The following KLRB1 variants were observed in gnomAD, a reference collection of about 807,000 sequenced individuals.
KLRB1 encodes killer cell lectin-like receptor subfamily B member 1.
Under a neutral mutation model 33.5 loss-of-function variants are expected in KLRB1, and 27 were observed. The ratio of observed to expected loss-of-function variants is 0.81; its 90% CI spans 0.59 to 1.11. The LOEUF (loss-of-function observed/expected upper bound fraction) is 1.11. KLRB1 is among the 50% of genes most tolerant of loss of function. The pLI, the probability that KLRB1 is intolerant of heterozygous loss-of-function variation, is 0.00. For missense variants in KLRB1, 241 were observed against 254.1 expected (o/e 0.95, Z 0.35); for synonymous variants, 64 against 88.9 (o/e 0.72, Z 1.58).
Position 9,595,148 on chromosome 12 carries a change from T to TA in KLRB1, c.*125_*126insT, listed in dbSNP as rs3214342. On this transcript the variant is annotated 3_prime_UTR_variant, in exon 6 of 6. Transcript: ENST00000229402. The stretch of plus-strand genomic sequence containing the variant: ...ACTTCTGTAAGATTCATAACAGTTG[T>TA]CAATTCTCAGAATTGTTCACTTTGT... 0.42 allele frequency: 309,910 copies of TA among 736,266 alleles called. 68,523 individuals carry two copies. Among genetic ancestry groups the TA allele is most frequent in the South Asian group, 0.52 (27,792 of 52,992 alleles). The allele number at this position is 736,266 out of a possible 1,614,324, so 45.6% of individuals were successfully genotyped here. A position where few individuals can be genotyped will look rare whatever the true frequency, so the allele number is the denominator to read the frequency against.
intron 5 of KLRB1, among the ~76,000 whole-genome samples, chr12:9,597,648 C>A (rs1485420036): frequency 6.6e-6 from 1 of 151,998 alleles, no homozygotes; most frequent in African/African-American, 2.4e-5. Context: ...TTTTTCTTTT[C>A]TTTTAATGCC....
At chr12:9,607,431 TC>T (rs1864634879) in intron 1 of KLRB1, among the ~76,000 whole-genome samples, 1 of 148,642 alleles carries the variant, frequency 6.7e-6, no homozygotes, top group Non-Finnish European at 1.5e-5. Context: ...CTTTCTTCCT[TC>T]TTTCCATCCC....
intron 1 of KLRB1, among the ~76,000 whole-genome samples, chr12:9,604,772 C>A (rs1864581681): frequency 6.6e-6 from 1 of 152,144 alleles, no homozygotes; most frequent in African/African-American, 2.4e-5. Flanking sequence ...AACATTAACA[C>A]CGTCTCATCT....
At chr12:9,600,505 G>A (rs1864529324) in intron 2 of KLRB1, among the ~76,000 whole-genome samples, 1 of 152,182 alleles carries the variant, frequency 6.6e-6, no homozygotes, top group African/African-American at 2.4e-5. Context: ...TACTGTGTCT[G>A]TGTAGAAAGA....
At chr12:9,598,360 A>C in intron 4 of KLRB1, 139 bp downstream of exon 4, 2 of 752,026 alleles carry the variant, frequency 2.7e-6, no homozygotes, top group Non-Finnish European at 4.4e-6. Flanking sequence ...TTATTTGTTT[A>C]CATATCCATG....
intron 1 of KLRB1, among the ~76,000 whole-genome samples, chr12:9,602,302 T>C (rs1200350535): frequency 6.6e-6 from 1 of 152,212 alleles, no homozygotes; most frequent in Non-Finnish European, 1.5e-5. Context: ...TACTATATAA[T>C]GAATCTCCCA....
chr12:9,607,744 A>G lies in KLRB1; in HGVS notation c.85+11T>C, dbSNP rs764207708. 6.3e-7 allele frequency: 1 copy of G among 1,591,008 alleles called. No individual in the cohort carries two copies. Among genetic ancestry groups the G allele is most frequent in the Non-Finnish European group, 8.6e-7 (1 of 1,159,228 alleles). On this transcript the variant is annotated intron_variant, in intron 1 of 5. Coordinates refer to ENST00000229402, the MANE Select transcript of KLRB1 (RefSeq NM_002258.3). ...CATACAAATGCCGAAAGGAAAATTA[A>G]AGCCACTTACCCCGAGGAAGAGATG...
Position 9,595,509 on chromosome 12 carries a change from A to G in KLRB1, c.531-88T>C. ...GCCATTATTTCCTAGGACTCTCAGGAAGCAGTAGAATGATAAACTATTAAA... is the reference window on the plus strand; with the variant it reads ...GCCATTATTTCCTAGGACTCTCAGGGAGCAGTAGAATGATAAACTATTAAA... On this transcript the variant is annotated intron_variant, in intron 5 of 5. Coordinates refer to ENST00000229402, the MANE Select transcript of KLRB1 (RefSeq NM_002258.3). 3.3e-6 allele frequency: 4 copies of G among 1,211,404 alleles called. No homozygotes were observed. The South Asian group carries it at 3.8e-5, about 11-fold the overall frequency. 75.0% of individuals were successfully genotyped at this position (1,211,404 alleles called of 1,614,324 possible). A position where few individuals can be genotyped will look rare whatever the true frequency, so the allele number is the denominator to read the frequency against.
Position 9,598,028 on chromosome 12 carries a change from A to G in KLRB1, c.530+18T>C. 2 of 1,079,458 alleles carry G rather than the reference A, an allele frequency of 1.9e-6. No individual in the cohort carries two copies. Among genetic ancestry groups the G allele is most frequent in the Non-Finnish European group, 2.8e-6 (2 of 716,124 alleles). 66.9% of individuals were successfully genotyped at this position (1,079,458 alleles called of 1,614,324 possible). The stretch of plus-strand genomic sequence containing the variant: ...CTGATATAAATTGAATATTAAAGTT[A>G]GCTCATCTAATACTCACTCATTAGA... On this transcript the variant is annotated intron_variant, in intron 5 of 5. Coordinates refer to ENST00000229402, the MANE Select transcript of KLRB1 (RefSeq NM_002258.3).
chr12:9,601,600 C>A lies in KLRB1; in HGVS notation c.86-1G>T. The stretch of plus-strand genomic sequence containing the variant: ...TGCCAAGGTGAACCCTGACAGACAT[C>A]TGAAAAGTTAAAAAGAAAAACACAA... On this transcript the variant is annotated splice_acceptor_variant, in intron 1 of 5. Transcript: ENST00000229402. LOFTEE classifies it high-confidence loss of function. 6.2e-7 allele frequency: 1 copy of A among 1,603,426 alleles called. No homozygotes were observed. Among genetic ancestry groups the A allele is most frequent in the Non-Finnish European group, 8.5e-7 (1 of 1,172,362 alleles).
chr12:9,604,616 T>C (rs1194472938), intron 1 of KLRB1, among the ~76,000 whole-genome samples: 1 of 152,166 alleles, frequency 6.6e-6, no homozygotes. Context: ...CCTAGAAGGC[T>C]TCTCTCTCAG....
At chr12:9,606,706 T>A (rs1329823696) in intron 1 of KLRB1, among the ~76,000 whole-genome samples, 3 of 74,252 alleles carry the variant, frequency 4.0e-5, no homozygotes, top group African/African-American at 5.6e-5. Flanking sequence ...TATATATATA[T>A]AAAATATATA....
rs1365153110 is a variant in KLRB1, at chr12:9,594,800, G to A, written c.*474C>T. The A allele has an allele frequency of 1.3e-5, 2 of 153,048 alleles. No individual in the cohort carries two copies. The highest frequency in any genetic ancestry group is 4.8e-5 in the African/African-American group (2 of 41,424). 9.5% of individuals were successfully genotyped at this position (153,048 alleles called of 1,614,324 possible). ...TAGGTGAAAGATAGGTGTTTATTAA[G>A]TATCTTTATTCAGGTTCATTGCAGC... On this transcript the variant is annotated 3_prime_UTR_variant, in exon 6 of 6. Coordinates refer to ENST00000229402, the MANE Select transcript of KLRB1 (RefSeq NM_002258.3).
At chr12:9,598,890 A>G (rs1864515881) in intron 3 of KLRB1, among the ~76,000 whole-genome samples, 3 of 152,218 alleles carry the variant, frequency 2.0e-5, no homozygotes, top group Admixed American at 1.3e-4. Flanking sequence ...ATAAAATATT[A>G]AAATAGGAAA....
chr12:9,598,776 G>A, intron 3 of KLRB1, 123 bp from the exon 4 acceptor site: 1 of 596,256 alleles, frequency 1.7e-6, no homozygotes, highest in African/African-American at 1.9e-5. Flanking sequence ...ATCACTGTGA[G>A]AACAATGAAT....
intron 3 of KLRB1, among the ~76,000 whole-genome samples, chr12:9,599,449 T>TA (rs779193871): frequency 3.0e-4 from 46 of 152,358 alleles, no homozygotes; most frequent in Non-Finnish European, 4.4e-4. Flanking sequence ...CTCACTAAAA[T>TA]AATCAGATAT....
At chr12:9,604,930 T>C (rs1288220646) in intron 1 of KLRB1, among the ~76,000 whole-genome samples, 13 of 152,140 alleles carry the variant, frequency 8.5e-5, no homozygotes, top group Non-Finnish European at 1.6e-4. Flanking sequence ...TGTTGGTTTG[T>C]TGCACCCGTT....
Position 9,599,785 on chromosome 12 carries a change from T to C in KLRB1, c.241A>G (p.Ser81Gly), listed in dbSNP as rs750287572. 2 of 1,602,688 alleles carry C rather than the reference T, an allele frequency of 1.2e-6. No homozygotes were observed. The highest frequency in any genetic ancestry group is 1.7e-6 in the Non-Finnish European group (2 of 1,169,940). ...IEKCSVDIQQ[S>G]RNKTTERPGL... ...CAATTACCTGTTGTTTTATTCCTGC[T>C]CTGTTGAATGTCCACACTGCATTTT... The change falls in exon 3 of 6, where the codon AGC becomes GGC. Residue 81 changes from serine (S) to glycine (G), a missense_variant. Coordinates refer to ENST00000229402, the MANE Select transcript of KLRB1 (RefSeq NM_002258.3).
rs1356714464 is a variant in KLRB1 at position 9,607,332 on chromosome 12, TTTCCTTTCTTTCTTTCTTTC to T, written c.85+403_85+422del. On this transcript the variant is annotated intron_variant, in intron 1 of 5. Transcript: ENST00000229402. ...TTCTTTCTTCTTTTCTTTCTCTTTC[TTTCCTTTCTTTCTTTCTTTC>T]TTCCTTTCTTTCTTTCTTTCTTTCT... Among the ~76,000 whole-genome samples, 158 of 58,648 alleles carry T rather than the reference TTTCCTTTCTTTCTTTCTTTC, an allele frequency of 2.7e-3. 3 individuals carry two copies. Among genetic ancestry groups the T allele is most frequent in the African/African-American group, 6.3e-3 (138 of 21,974 alleles). 38.5% of individuals were successfully genotyped at this position (58,648 alleles called of 152,430 possible).
Sources: allele counts gnomAD v4.1 joint callset (sites outside exome capture counted in the v4.1 genomes callset), GRCh38; gene constraint gnomAD v4.1.1; transcripts MANE v1.5; gene names NCBI Gene and HGNC (gene_info 2026-07-23, HGNC 2026-07-21).